GOLGA4: variants seen among roughly 807,000 people sequenced by gnomAD.
The protein encoded by GOLGA4 is golgin A4, also known as golgin subfamily A member 4.
A neutral mutation model predicts 265.9 loss-of-function variants in GOLGA4; 169 were observed. The ratio of observed to expected loss-of-function variants is 0.64; its 90% CI spans 0.56 to 0.72. The LOEUF is 0.72. Ranked by LOEUF, GOLGA4 falls within the 30% of genes least tolerant of loss-of-function variation. The pLI is 0.00. For synonymous variants in GOLGA4, 923 were observed against 855.8 expected (o/e 1.08, Z -1.37); for missense variants, 2,482 against 2,483.4 (o/e 1.00, Z 0.01).
intron 1 of GOLGA4, among the ~76,000 whole-genome samples, chr3:37,251,080 CT>C (rs1378095065): frequency 6.6e-6 from 1 of 151,888 alleles, no homozygotes; most frequent in Non-Finnish European, 1.5e-5. Flanking sequence ...CCTCACCTGG[CT>C]TCAGTTTTCT....
chr3:37,360,287 G>A (rs2097101057), intron 22 of GOLGA4, among the ~76,000 whole-genome samples: 1 of 152,050 alleles, frequency 6.6e-6, no homozygotes, highest in Non-Finnish European at 1.5e-5. Context: ...TAGTTCACCA[G>A]TTTCCTCCTC....
rs1434986396 is a variant in GOLGA4 at position 37,326,062 on chromosome 3, A to C, written c.4176A>C (p.Lys1392Asn). 3.1e-6 allele frequency: 5 copies of C among 1,613,334 alleles called. No individual in the cohort carries two copies. Among genetic ancestry groups the C allele is most frequent in the African/African-American group, 2.7e-5 (2 of 74,914 alleles). The change falls in exon 14 of 24, where the codon AAA (lysine) becomes AAC (asparagine). Residue 1392 changes from lysine (K) to asparagine (N), a missense_variant. Physicochemically the swap from Lys to Asn is moderately conservative, Grantham distance 94. Transcript: ENST00000361924. ...QLQNSISLSE[K>N]EAAISSLRKQ... is the part of the protein sequence containing the mutation. ...AAAATAGCATCAGCCTATCCGAAAA[A>C]GAAGCAGCCATTTCATCACTAAGAA...
chr3:37,258,010 CATAT>C (rs755810824), intron 2 of GOLGA4, among the ~76,000 whole-genome samples: 1 of 59,652 alleles, frequency 1.7e-5, no homozygotes, highest in East Asian at 3.4e-4. Context: ...TATATACATA[CATAT>C]ATATATGTAT....
At position 37,337,178 on chromosome 3, in the gene GOLGA4, T is replaced by TC; in HGVS notation, c.6327+16dup. 7.5e-7 allele frequency: 1 copy of TC among 1,331,766 alleles called. No homozygotes were observed. Among genetic ancestry groups the TC allele is most frequent in the Non-Finnish European group, 1.0e-6 (1 of 953,866 alleles). The allele number at this position is 1,331,766 out of a possible 1,614,324, so 82.5% of individuals were successfully genotyped here. ...TGGAGCTACAGGTAAGGCTAGTTCTTCTTTTTTTTTTTTTCTTTTTTTTCT... is the reference window on the plus strand; with the variant it reads ...TGGAGCTACAGGTAAGGCTAGTTCTTCCTTTTTTTTTTTTTCTTTTTTTTCT... On this transcript the variant is annotated intron_variant, in intron 18 of 23. Transcript: ENST00000361924.
Position 37,324,383 on chromosome 3 carries a change from A to G in GOLGA4, c.2497A>G (p.Thr833Ala), listed in dbSNP as rs1387363092. The G allele has an allele frequency of 1.2e-6, 2 of 1,614,218 alleles. No individual in the cohort carries two copies. The highest frequency in any genetic ancestry group is 8.5e-7 in the Non-Finnish European group (1 of 1,180,016). Residue 833 changes from threonine to alanine, a missense_variant, in exon 14 of 24, where the codon ACA (threonine) becomes GCA (alanine). By Grantham distance (58) the Thr-to-Ala change is moderately conservative (BLOSUM62 0). Transcript: ENST00000361924. The stretch of plus-strand genomic sequence containing the variant: ...GCAGCAGAAGTTGTTGGATTTGGAA[A>G]CAGAAAGAATTCTTCTTACCAAACA... ...QLQQKLLDLE[T>A]ERILLTKQVA...
chr3:37,334,110 G>A (rs1006418628), intron 16 of GOLGA4, among the ~76,000 whole-genome samples: 1 of 152,126 alleles, frequency 6.6e-6, no homozygotes, highest in Non-Finnish European at 1.5e-5. Context: ...GGGTTTATAA[G>A]AATAAAGAGA....
chr3:37,333,513 C>G (rs2096998555), intron 16 of GOLGA4, among the ~76,000 whole-genome samples: 2 of 151,946 alleles, frequency 1.3e-5, no homozygotes, highest in African/African-American at 4.8e-5. Flanking sequence ...ATTAGTATCC[C>G]ACAGATGTCA....
intron 13 of GOLGA4, 37 bp from the exon 14 acceptor site, chr3:37,323,551 G>A (rs567243749): frequency 1.6e-5 from 21 of 1,293,070 alleles, no homozygotes; most frequent in East Asian, 4.6e-5. Context: ...AGACAAGTAC[G>A]TACTTTAATA....
intron 10 of GOLGA4, among the ~76,000 whole-genome samples, chr3:37,307,370 A>G (rs1324311915): frequency 6.6e-6 from 1 of 152,200 alleles, no homozygotes; most frequent in East Asian, 1.9e-4. Flanking sequence ...AATGTGTAAG[A>G]TTTATGCATT....
At chr3:37,296,064 C>G (rs192991593) in intron 6 of GOLGA4, 23 bp from the exon 7 acceptor site, 6 of 1,608,272 alleles carry the variant, frequency 3.7e-6, no homozygotes, top group Non-Finnish European at 2.6e-6. Context: ...TGACTTTTTT[C>G]TAATGAAGCA....
rs181831693 is a variant in GOLGA4 at position 37,289,135 on chromosome 3, G to A, written c.526-100G>A. On this transcript the variant is annotated intron_variant, in intron 4 of 23. Transcript: ENST00000361924. Reference sequence around the variant, plus strand: ...ATCTTCAGGTTATTTTTGGATAAACGGTTGTAATATTTTAAAAATAATTAT... The same window carrying A: ...ATCTTCAGGTTATTTTTGGATAAACAGTTGTAATATTTTAAAAATAATTAT... 9.2e-5 allele frequency: 61 copies of A among 661,284 alleles called. No homozygotes were observed. In the East Asian group the frequency reaches 1.6e-3, roughly 17 times the overall value. The allele number at this position is 661,284 out of a possible 1,614,324, so 41.0% of individuals were successfully genotyped here.
intron 2 of GOLGA4, among the ~76,000 whole-genome samples, chr3:37,260,764 G>C (rs1578388426): frequency 6.6e-6 from 1 of 152,156 alleles, no homozygotes; most frequent in Non-Finnish European, 1.5e-5. Context: ...TTACACATGA[G>C]AGATGATAAT....
intron 2 of GOLGA4, among the ~76,000 whole-genome samples, chr3:37,251,809 T>C (rs1188475159): frequency 6.6e-6 from 1 of 152,132 alleles, no homozygotes; most frequent in African/African-American, 2.4e-5. Flanking sequence ...TTCAGCCTCC[T>C]GAGTAGCTGG....
At chr3:37,256,399 G>T (rs768807713) in intron 2 of GOLGA4, among the ~76,000 whole-genome samples, 2 of 152,088 alleles carry the variant, frequency 1.3e-5, no homozygotes, top group African/African-American at 4.8e-5. Flanking sequence ...GAACCCAGGA[G>T]GCGGAGGTTG....
chr3:37,243,284 C>CCGTTGT lies in GOLGA4; in HGVS notation c.-263_-258dup. On this transcript the variant is annotated 5_prime_UTR_variant, in exon 1 of 24. Transcript: ENST00000361924. The stretch of plus-strand genomic sequence containing the variant: ...CCCTTGGCGCACAGTTCACCTGCTG[C>CCGTTGT]CGTTGTCGTCGCCGCCGCGGCTCCC... 1.9e-6 allele frequency: 1 copy of CCGTTGT among 532,094 alleles called. No individual in the cohort carries two copies. 33.0% of individuals were successfully genotyped at this position (532,094 alleles called of 1,614,324 possible). A position where few individuals can be genotyped will look rare whatever the true frequency, so the allele number is the denominator to read the frequency against.
intron 7 of GOLGA4, 149 bp from the exon 8 acceptor site, chr3:37,298,684 A>C: frequency 1.8e-6 from 1 of 571,030 alleles, no homozygotes; most frequent in Non-Finnish European, 3.1e-6. Context: ...AGTTCAGCCT[A>C]CACCCAGGAA....
chr3:37,262,109 AAAAAGGAAGTAAT>A (rs1326900866), intron 2 of GOLGA4, among the ~76,000 whole-genome samples: 3 of 152,228 alleles, frequency 2.0e-5, no homozygotes, highest in Non-Finnish European at 4.4e-5. Flanking sequence ...CTTCCATAAG[AAAAAGGAAGTAAT>A]AATTTTCTTA....
chr3:37,287,055 A>G (rs2096851406), intron 4 of GOLGA4, among the ~76,000 whole-genome samples: 1 of 152,126 alleles, frequency 6.6e-6, no homozygotes. Flanking sequence ...AATAAAATAT[A>G]GTTGGCCAGG....
In GOLGA4 at chr3:37,299,280, T is replaced by G; in HGVS notation, c.1003-8T>G. 6.3e-7 allele frequency: 1 copy of G among 1,593,580 alleles called. No individual in the cohort carries two copies. The highest frequency in any genetic ancestry group is 8.6e-7 in the Non-Finnish European group (1 of 1,163,568). The stretch of plus-strand genomic sequence containing the variant: ...AGAGATGGAAATGAATTTAAAAATT[T>G]TTTTTAGGACCTTCATATGGCCGAG... On this transcript the variant is annotated splice_region_variant and splice_polypyrimidine_tract_variant and intron_variant, in intron 8 of 23. Transcript: ENST00000361924.
Sources: allele counts gnomAD v4.1 joint callset (sites outside exome capture counted in the v4.1 genomes callset), GRCh38; gene constraint gnomAD v4.1.1; transcripts MANE v1.5; gene names NCBI Gene and HGNC (gene_info 2026-07-23, HGNC 2026-07-21).